Variants in GRID2 observed in about 807,000 individuals in gnomAD.
GRID2 encodes the protein glutamate receptor ionotropic, delta-2.
In GRID2, 33 loss-of-function variants were observed where a neutral mutation model predicts 114.8. That is an observed-to-expected ratio of 0.29 (90% CI 0.22 to 0.38). GRID2 has a LOEUF of 0.38. Among genes scored for constraint, GRID2 ranks in the 10% least tolerant of loss-of-function variants. The pLI, the probability that GRID2 is intolerant of heterozygous loss-of-function variation, is 1.00. For missense variants in GRID2, 1,184 were observed against 1,257.7 expected (o/e 0.94, Z 0.89); for synonymous variants, 505 against 449.9 (o/e 1.12, Z -1.55).
intron 1 of GRID2, among the ~76,000 whole-genome samples, chr4:93,789,716 G>A (rs1450979667): frequency 3.3e-5 from 5 of 152,136 alleles, no homozygotes; most frequent in Non-Finnish European, 7.4e-5. Flanking sequence ...ATCAGTTTAT[G>A]AGTAGTTTCG....
At chr4:93,149,223 T>C (rs953102170) in intron 4 of GRID2, among the ~76,000 whole-genome samples, 4 of 152,120 alleles carry the variant, frequency 2.6e-5, no homozygotes, top group African/African-American at 9.7e-5. Flanking sequence ...CTCTCACAGG[T>C]GCTAACCAGC....
At chr4:93,806,379 C>G (rs1315185442) in intron 1 of GRID2, among the ~76,000 whole-genome samples, 1 of 152,126 alleles carries the variant, frequency 6.6e-6, no homozygotes, top group African/African-American at 2.4e-5. Context: ...AGCGATACTG[C>G]CTTTATTTTC....
intron 8 of GRID2, among the ~76,000 whole-genome samples, chr4:93,389,792 C>CT (rs372343031): frequency 0.039 from 5,570 of 143,692 alleles, 163 homozygotes; most frequent in Middle Eastern, 0.08. Context: ...TTTTTTTTTT[C>CT]TTTTTTTTTT....
intron 2 of GRID2, among the ~76,000 whole-genome samples, chr4:92,802,004 C>G (rs1303232346): frequency 1.3e-5 from 2 of 151,744 alleles, no homozygotes; most frequent in African/African-American, 4.8e-5. Context: ...TTAAAAAAAA[C>G]TTCATAATAT....
chr4:93,623,668 A>G (rs1186158568), intron 13 of GRID2, among the ~76,000 whole-genome samples: 1 of 152,214 alleles, frequency 6.6e-6, no homozygotes, highest in Non-Finnish European at 1.5e-5. Context: ...TACAGTCTTT[A>G]TATAACATTT....
intron 1 of GRID2, among the ~76,000 whole-genome samples, chr4:93,784,675 C>CACAA (rs1554001972): frequency 4.7e-5 from 7 of 150,262 alleles, no homozygotes; most frequent in South Asian, 4.2e-4. Flanking sequence ...CACACACACA[C>CACAA]CACGGTATCG....
At chr4:92,719,654 T>C (rs747954532) in intron 2 of GRID2, among the ~76,000 whole-genome samples, 1 of 151,912 alleles carries the variant, frequency 6.6e-6, no homozygotes, top group Non-Finnish European at 1.5e-5. Flanking sequence ...AGAGGAGTAA[T>C]GCAGATAAGG....
chr4:93,443,225 A>G (rs72668724), intron 10 of GRID2, among the ~76,000 whole-genome samples: 4,779 of 151,904 alleles, frequency 0.031, 92 homozygotes, highest in African/African-American at 0.064. Context: ...CTCTCCCTAT[A>G]ACCCTCCAAT....
intron 2 of GRID2, among the ~76,000 whole-genome samples, chr4:92,638,011 T>C (rs1001965412): frequency 1.3e-5 from 2 of 151,972 alleles, no homozygotes; most frequent in African/African-American, 4.8e-5. Flanking sequence ...AAGCAAGTTT[T>C]AGTGACATTA....
Position 93,283,314 on chromosome 4 carries a change from G to T in GRID2, c.1245+44824G>T, listed in dbSNP as rs142372969. Among the ~76,000 whole-genome samples, 118 of 152,114 alleles carry T rather than the reference G, an allele frequency of 7.8e-4. 1 individual carries two copies. The highest frequency in any genetic ancestry group is 6.8e-3 in the Middle Eastern group (2 of 294). ...GCCACTGATGTCAATTTTGATCAAA[G>T]TTGCTTTTAAAAAATACAAATGAAA... is the stretch of plus-strand genomic sequence containing the variant. On this transcript the variant is annotated intron_variant, in intron 8 of 15. Transcript: ENST00000282020.
At chr4:92,531,915 C>A (rs775590989) in intron 1 of GRID2, among the ~76,000 whole-genome samples, 95 of 152,102 alleles carry the variant, frequency 6.2e-4, no homozygotes, top group Non-Finnish European at 1.3e-3. Context: ...TTTAGAGCAG[C>A]TCATTAACGC....
At position 92,935,602 on chromosome 4, in the gene GRID2, A is replaced by T. The variant is rs182367833; in HGVS notation, c.245-149393A>T. Among the ~76,000 whole-genome samples the T allele has an allele frequency of 1.4e-5, 2 of 147,102 alleles. 1 individual carries two copies. The highest frequency in any genetic ancestry group is 1.5e-4 in the Admixed American group (2 of 13,558). On this transcript the variant is annotated intron_variant, in intron 2 of 15. Coordinates refer to ENST00000282020, the MANE Select transcript of GRID2 (RefSeq NM_001510.4). ...CACACACACGTATGTTTATTGCGGC[A>T]CTATTCACAACAGCAAAGACTTGGA... is the stretch of plus-strand genomic sequence containing the variant.
intron 10 of GRID2, among the ~76,000 whole-genome samples, chr4:93,436,241 C>A (rs922226393): frequency 1.3e-5 from 2 of 152,106 alleles, no homozygotes; most frequent in African/African-American, 4.8e-5. Flanking sequence ...CAGGCAGGCT[C>A]TCCTCTCTTG....
At chr4:93,649,794 A>G (rs1722425592) in intron 14 of GRID2, among the ~76,000 whole-genome samples, 1 of 152,168 alleles carries the variant, frequency 6.6e-6, no homozygotes, top group African/African-American at 2.4e-5. Context: ...CCCTATTATC[A>G]GTCTTGTGTA....
intron 2 of GRID2, 22 bp downstream of exon 2, chr4:92,590,308 T>G: frequency 6.4e-7 from 1 of 1,565,108 alleles, no homozygotes; most frequent in Non-Finnish European, 8.7e-7. Context: ...AGTATTTATT[T>G]TGGTTTTTTG....
intron 2 of GRID2, among the ~76,000 whole-genome samples, chr4:92,902,862 G>C (rs951671169): frequency 6.6e-6 from 1 of 151,800 alleles, no homozygotes; most frequent in African/African-American, 2.4e-5. Flanking sequence ...TTTTTATCTA[G>C]TGACAAAAAT....
chr4:93,740,709 C>A (rs1731290342), intron 14 of GRID2, among the ~76,000 whole-genome samples: 1 of 152,132 alleles, frequency 6.6e-6, no homozygotes, highest in Admixed American at 6.5e-5. Flanking sequence ...CTTGAACTTA[C>A]TTCTTAAAAT....
At chr4:92,578,041 TTTCTTCTTCTTCTTCTTC>T (rs201059955) in intron 1 of GRID2, among the ~76,000 whole-genome samples, 1,988 of 125,756 alleles carry the variant, frequency 0.016, 42 homozygotes, top group Non-Finnish European at 0.022. Context: ...TGAAACTTAG[TTTCTTCTTCTTCTTCTTC>T]TTCTTCTTCT....
intron 2 of GRID2, among the ~76,000 whole-genome samples, chr4:92,770,765 CA>C (rs775585929): frequency 2.0e-5 from 3 of 152,120 alleles, no homozygotes; most frequent in Non-Finnish European, 4.4e-5. Context: ...CACCATAATT[CA>C]ATCACCTCCA....
Sources: gnomAD v4.1 joint callset for allele counts (sites outside exome capture counted in the v4.1 genomes callset) on GRCh38, gnomAD v4.1.1 for gene constraint, MANE v1.5 for transcripts, NCBI Gene and HGNC (gene_info 2026-07-23, HGNC 2026-07-21) for gene names.